The following KIAA0825 variants were observed in gnomAD, a reference collection of about 807,000 sequenced individuals.
The protein encoded by KIAA0825 is uncharacterized protein KIAA0825.
In KIAA0825, 119 loss-of-function variants were observed where a neutral mutation model predicts 147.6. The ratio of observed to expected loss-of-function variants is 0.81; its 90% CI spans 0.69 to 0.94. KIAA0825 has a LOEUF of 0.94. Among genes scored for constraint, KIAA0825 ranks in the 40% least tolerant of loss-of-function variants. The pLI is 0.00. For missense variants in KIAA0825, 1,381 were observed against 1,472.7 expected, an observed-to-expected ratio of 0.94 and a Z score of 1.02; for synonymous variants, 470 against 518.1, an observed-to-expected ratio of 0.91 and a Z score of 1.26.
chr5:94,591,786 C>T (rs1161528075), intron 1 of KIAA0825, among the ~76,000 whole-genome samples: 1 of 152,102 alleles, frequency 6.6e-6, no homozygotes, highest in African/African-American at 2.4e-5. Context: ...ACTCACAGTT[C>T]CACACGGCTG....
chr5:94,367,989 A>C (rs984575472), intron 20 of KIAA0825, among the ~76,000 whole-genome samples: 6 of 152,356 alleles, frequency 3.9e-5, no homozygotes, highest in African/African-American at 1.2e-4. Flanking sequence ...ATTAAAAAAT[A>C]AAAACTCTGT....
chr5:94,449,707 C>T (rs1228687315), intron 13 of KIAA0825, among the ~76,000 whole-genome samples: 1 of 152,158 alleles, frequency 6.6e-6, no homozygotes, highest in Non-Finnish European at 1.5e-5. Context: ...TGGAAATCAT[C>T]TGTATAGAGG....
intron 5 of KIAA0825, among the ~76,000 whole-genome samples, chr5:94,504,702 A>G (rs1217081397): frequency 6.6e-6 from 1 of 151,182 alleles, no homozygotes; most frequent in Admixed American, 6.6e-5. Flanking sequence ...TTTATTATAA[A>G]TCAAAGTTAA....
At chr5:94,260,161 T>C (rs898948876) in intron 20 of KIAA0825, among the ~76,000 whole-genome samples, 1 of 152,112 alleles carries the variant, frequency 6.6e-6, no homozygotes, top group Admixed American at 6.6e-5. Flanking sequence ...AAATAATTAT[T>C]GTGAGACTTG....
intron 3 of KIAA0825, among the ~76,000 whole-genome samples, chr5:94,529,527 A>T (rs1770344845): frequency 6.6e-6 from 1 of 151,336 alleles, no homozygotes; most frequent in Non-Finnish European, 1.5e-5. Flanking sequence ...TATAATTCCC[A>T]TTTGTATAAA....
At position 94,357,178 on chromosome 5, in the gene KIAA0825, A is replaced by G. The variant is rs1562411988; in HGVS notation, c.3710+27190T>C. On this transcript the variant is annotated intron_variant, in intron 20 of 20. Coordinates refer to ENST00000682413, the MANE Select transcript of KIAA0825 (RefSeq NM_001145678.3). ...GATTACAATACAGTCCTTCGGTTAA[A>G]ACGCATCTACAGACATTTCCTTATG... Among the ~76,000 whole-genome samples, 3 of 152,236 alleles carry G rather than the reference A, an allele frequency of 2.0e-5. 1 individual carries two copies. The highest frequency in any genetic ancestry group is 1.3e-4 in the Admixed American group (2 of 15,290).
At chr5:94,490,667 T>C (rs1359747088) in intron 5 of KIAA0825, among the ~76,000 whole-genome samples, 2 of 152,056 alleles carry the variant, frequency 1.3e-5, no homozygotes, top group African/African-American at 4.8e-5. Flanking sequence ...TCTTCTTCTC[T>C]GTCTATATAT....
chr5:94,500,030 A>G (rs888761751), intron 5 of KIAA0825, among the ~76,000 whole-genome samples: 1 of 152,144 alleles, frequency 6.6e-6, no homozygotes, highest in Non-Finnish European at 1.5e-5. Flanking sequence ...GGGAATGAAG[A>G]GAGTAAGAGG....
intron 2 of KIAA0825, chr5:94,570,546 C>T (rs918392245): frequency 6.6e-6 from 1 of 152,304 alleles, no homozygotes; most frequent in Non-Finnish European, 1.5e-5. Flanking sequence ...CTTACCCTAA[C>T]CTGAATTGGA....
intron 20 of KIAA0825, among the ~76,000 whole-genome samples, chr5:94,339,556 C>G (rs1782154431): frequency 6.6e-6 from 1 of 152,098 alleles, no homozygotes; most frequent in East Asian, 1.9e-4. Context: ...TAAATGCTTC[C>G]TCTCATACAT....
rs140814888 is a variant in KIAA0825, at chr5:94,262,706, G to A, written c.3711-108582C>T. Among the ~76,000 whole-genome samples the A allele has an allele frequency of 1.8e-3, 280 of 152,160 alleles. 4 individuals carry two copies. The highest frequency in any genetic ancestry group is 6.4e-3 in the African/African-American group (264 of 41,534). Reference sequence around the variant, plus strand: ...AGTTCGTTCGATATGCCTTATTTGTGTAAAAACGTATATGTTTGTGTATCT... The same window carrying A: ...AGTTCGTTCGATATGCCTTATTTGTATAAAAACGTATATGTTTGTGTATCT... On this transcript the variant is annotated intron_variant, in intron 20 of 20. Transcript: ENST00000682413.
chr5:94,508,685 A>G (rs1349109759), intron 5 of KIAA0825, among the ~76,000 whole-genome samples: 1 of 152,170 alleles, frequency 6.6e-6, no homozygotes, highest in East Asian at 1.9e-4. Flanking sequence ...CCAGATTCTG[A>G]ACCGATATAT....
intron 20 of KIAA0825, among the ~76,000 whole-genome samples, chr5:94,286,126 G>A (rs1777656467): frequency 6.6e-6 from 1 of 152,130 alleles, no homozygotes; most frequent in South Asian, 2.1e-4. Flanking sequence ...GGTAGATCAA[G>A]TATAGTGTCA....
At position 94,161,199 on chromosome 5, in the gene KIAA0825, C is replaced by G. The variant is rs186189341; in HGVS notation, c.3711-7075G>C. 2.0e-4 allele frequency among the ~76,000 whole-genome samples: 31 copies of G among 152,332 alleles called. No homozygotes were observed. In the Middle Eastern group the frequency reaches 0.01, roughly 50 times the overall value. ...TATCCAGATCCAAAGACTCACGCTA[C>G]TGCTACATCAAACCAGCAATGACTG... On this transcript the variant is annotated intron_variant, in intron 20 of 20. Coordinates refer to ENST00000682413, the MANE Select transcript of KIAA0825 (RefSeq NM_001145678.3).
At chr5:94,334,395 A>T (rs1362030490) in intron 20 of KIAA0825, among the ~76,000 whole-genome samples, 2 of 152,276 alleles carry the variant, frequency 1.3e-5, no homozygotes, top group East Asian at 1.9e-4. Context: ...TATGCTAAAC[A>T]CTGGTTACCT....
chr5:94,385,252 A>T lies in KIAA0825; in HGVS notation c.3620-794T>A, dbSNP rs886815925. ...CTTAAAATGAAATAGTTTTGAAAAC[A>T]AGAGTCCAGACTGACGTTTAAAATC... On this transcript the variant is annotated intron_variant, in intron 19 of 20. Transcript: ENST00000682413. 3.9e-5 allele frequency among the ~76,000 whole-genome samples: 6 copies of T among 152,200 alleles called. No individual in the cohort carries two copies. The South Asian group carries it at 1.0e-3, about 26-fold the overall frequency.
At chr5:94,367,778 C>G (rs112099356) in intron 20 of KIAA0825, among the ~76,000 whole-genome samples, 1 of 152,190 alleles carries the variant, frequency 6.6e-6, no homozygotes, top group African/African-American at 2.4e-5. Context: ...CCCTTTGATA[C>G]TTGGTAATTT....
At chr5:94,616,373 G>T (rs1195244283) in intron 1 of KIAA0825, among the ~76,000 whole-genome samples, 1 of 152,146 alleles carries the variant, frequency 6.6e-6, no homozygotes, top group Non-Finnish European at 1.5e-5. Flanking sequence ...ATTGGGATGG[G>T]CAGGTTTAAT....
At chr5:94,426,002 T>G (rs1447413263) in intron 14 of KIAA0825, among the ~76,000 whole-genome samples, 1 of 149,306 alleles carries the variant, frequency 6.7e-6, no homozygotes, top group East Asian at 2.0e-4. Context: ...CTCATGCCAC[T>G]ATGCCTGGAT....
Sources: allele counts gnomAD v4.1 joint callset (sites outside exome capture counted in the v4.1 genomes callset), GRCh38; gene constraint gnomAD v4.1.1; transcripts MANE v1.5; gene names NCBI Gene and HGNC (gene_info 2026-07-23, HGNC 2026-07-21).